The following TTC23L variants were observed in gnomAD, a reference collection of about 807,000 sequenced individuals.
The protein encoded by TTC23L is tetratricopeptide repeat domain 23 like, also known as tetratricopeptide repeat protein 23-like.
Under a neutral mutation model 48.1 loss-of-function variants are expected in TTC23L, and 42 were observed. That is an observed-to-expected ratio of 0.87 (90% CI 0.68 to 1.13). The LOEUF (loss-of-function observed/expected upper bound fraction) is 1.13. Ranked by LOEUF, TTC23L falls within the 50% of genes most tolerant of loss-of-function variation. The pLI, the probability that TTC23L is intolerant of heterozygous loss-of-function variation, is 0.00. For synonymous variants in TTC23L, 159 were observed against 157.2 expected (o/e 1.01, Z -0.09); for missense variants, 391 against 421.0 (o/e 0.93, Z 0.62).
chr5:34,866,952 C>T lies in TTC23L; in HGVS notation c.723C>T (p.Gly241=), dbSNP rs772840217. The change falls in exon 7 of 11, where the codon GGC becomes GGT. Residue 241 remains glycine, a synonymous_variant. Coordinates refer to ENST00000505624, the Ensembl canonical transcript of TTC23L. ...TGGCATACTTTGAAAAGGCAATTGG[C>T]GATGTTATTGCTGCCAAGGGTGATA... 14 of 1,609,982 alleles carry T rather than the reference C, an allele frequency of 8.7e-6. No individual in the cohort carries two copies. In the South Asian group the frequency reaches 8.9e-5, roughly 10 times the overall value.
At chr5:34,891,368 A>G (rs1381251606) in intron 9 of TTC23L, among the ~76,000 whole-genome samples, 1 of 152,230 alleles carries the variant, frequency 6.6e-6, no homozygotes, top group African/African-American at 2.4e-5. Flanking sequence ...CATCCAGATC[A>G]TAGTAAACCA....
chr5:34,923,264 T>G, the TTC23L span: 14 of 1,378,214 alleles, frequency 1.0e-5, no homozygotes, highest in Non-Finnish European at 1.4e-5. Context: ...TAATTATACC[T>G]TTTTTTTAAT....
chr5:34,866,838 C>A, intron 6 of TTC23L, 54 bp from the exon 7 acceptor site: 1 of 1,471,998 alleles, frequency 6.8e-7, no homozygotes. Context: ...CCTTTTGTGT[C>A]TGCAAAGTAA....
chr5:34,866,316 C>G (rs1761045914), intron 6 of TTC23L, among the ~76,000 whole-genome samples: 1 of 152,180 alleles, frequency 6.6e-6, no homozygotes, highest in African/African-American at 2.4e-5. Context: ...AGCTTTATAT[C>G]TTTTTCCTTT....
At chr5:34,895,686 C>G (rs757048289) in intron 9 of TTC23L, among the ~76,000 whole-genome samples, 1 of 152,042 alleles carries the variant, frequency 6.6e-6, no homozygotes, top group Admixed American at 6.6e-5. Flanking sequence ...AATGGAACAG[C>G]CTCTTTTGGG....
At chr5:34,914,712 C>A in the TTC23L span, 1 of 1,614,226 alleles carries the variant, frequency 6.2e-7, no homozygotes, top group Non-Finnish European at 8.5e-7. Context: ...AAAGCATTTG[C>A]TTGCACACAC....
intron 10 of TTC23L, among the ~76,000 whole-genome samples, chr5:34,897,245 C>T (rs933196397): frequency 4.0e-5 from 6 of 151,760 alleles, no homozygotes; most frequent in Non-Finnish European, 5.9e-5. Flanking sequence ...ATTAGCCGGG[C>T]GTGGTAGCAT....
chr5:34,839,971 G>T (rs181278323), intron 1 of TTC23L, among the ~76,000 whole-genome samples: 7 of 152,170 alleles, frequency 4.6e-5, no homozygotes, highest in African/African-American at 1.7e-4. Context: ...GCAGTGGCGC[G>T]ATCTCCGCCT....
chr5:34,891,666 A>G (rs997993553), intron 9 of TTC23L, among the ~76,000 whole-genome samples: 1 of 152,224 alleles, frequency 6.6e-6, no homozygotes, highest in African/African-American at 2.4e-5. Flanking sequence ...CAAAATGTAT[A>G]ATTTCAGAGA....
Position 34,850,176 on chromosome 5 carries a change from A to G in TTC23L, c.256-9A>G, listed in dbSNP as rs767644963. 5.0e-5 allele frequency: 80 copies of G among 1,613,668 alleles called. No homozygotes were observed. The South Asian group carries it at 8.6e-4, about 17-fold the overall frequency. ...TTCCAAAAAGTATAATCACTTCTGTACTCTACAGAATACTCAAGCAAACAA... is the reference window on the plus strand; with the variant it reads ...TTCCAAAAAGTATAATCACTTCTGTGCTCTACAGAATACTCAAGCAAACAA... On this transcript the variant is annotated splice_polypyrimidine_tract_variant and intron_variant, in intron 3 of 10. Transcript: ENST00000505624.
At chr5:34,905,199 A>G in the TTC23L span, 2 of 152,216 alleles carry the variant, frequency 1.3e-5, no homozygotes, top group African/African-American at 4.8e-5. Flanking sequence ...TGCCTATTCC[A>G]AAGAGAATGA....
chr5:34,880,759 C>T (rs2092929908), intron 9 of TTC23L: 1 of 289,872 alleles, frequency 3.4e-6, no homozygotes, highest in Non-Finnish European at 6.7e-6. Context: ...CTGCCTCAGC[C>T]TCCCAAGTAG....
At chr5:34,846,659 ATG>A (rs533382588) in intron 3 of TTC23L, among the ~76,000 whole-genome samples, 3 of 69,160 alleles carry the variant, frequency 4.3e-5, no homozygotes, top group Non-Finnish European at 1.0e-4. Context: ...AAATACATAT[ATG>A]TGTGTATGTG....
At chr5:34,876,836 C>CGGGGGCTG (rs1761868514) in intron 8 of TTC23L, among the ~76,000 whole-genome samples, 1 of 124,934 alleles carries the variant, frequency 8.0e-6, no homozygotes, top group Non-Finnish European at 1.6e-5. Context: ...CAGGGCCTGT[C>CGGGGGCTG]GGGGGCTGGG....
the TTC23L span, among the ~76,000 whole-genome samples, chr5:34,911,228 T>G: frequency 6.6e-6 from 1 of 152,154 alleles, no homozygotes; most frequent in Non-Finnish European, 1.5e-5. Context: ...AAACACCCTT[T>G]CCAAACACTT....
the TTC23L span, chr5:34,908,226 T>C: frequency 6.9e-6 from 1 of 145,810 alleles, no homozygotes; most frequent in South Asian, 2.2e-4. Context: ...TAGGCTGGAG[T>C]GCAATGGCGT....
intron 4 of TTC23L, among the ~76,000 whole-genome samples, chr5:34,857,489 G>A (rs899931853): frequency 4.6e-5 from 7 of 151,986 alleles, no homozygotes; most frequent in Non-Finnish European, 1.0e-4. Flanking sequence ...GATAAAAACC[G>A]GGTAATCTGA....
chr5:34,914,291 G>C, the TTC23L span, among the ~76,000 whole-genome samples: 2 of 152,146 alleles, frequency 1.3e-5, no homozygotes, highest in Non-Finnish European at 2.9e-5. Context: ...ACCAGCTGTG[G>C]GACTGTTGGC....
intron 4 of TTC23L, among the ~76,000 whole-genome samples, chr5:34,857,873 C>T (rs372423703): frequency 6.6e-6 from 1 of 152,220 alleles, no homozygotes; most frequent in African/African-American, 2.4e-5. Context: ...TGGCTCTAGA[C>T]CCTGCTCTTT....
Sources: gnomAD v4.1 joint callset for allele counts (sites outside exome capture counted in the v4.1 genomes callset) on GRCh38, gnomAD v4.1.1 for gene constraint, MANE v1.5 for transcripts, NCBI Gene and HGNC (gene_info 2026-07-23, HGNC 2026-07-21) for gene names.